The following ZMIZ1 variants were observed in gnomAD, a reference collection of about 807,000 sequenced individuals.
ZMIZ1 encodes the protein zinc finger MIZ domain-containing protein 1.
In ZMIZ1, 17 loss-of-function variants were observed where a neutral mutation model predicts 113.9. That is an observed-to-expected ratio of 0.15 (90% confidence interval 0.10 to 0.22). The LOEUF (loss-of-function observed/expected upper bound fraction) is 0.22, where lower values mean the gene tolerates loss of function less well. ZMIZ1 is among the 10% of genes least tolerant of loss of function. The pLI is 1.00. For synonymous variants in ZMIZ1, 607 were observed against 603.1 expected (o/e 1.01, Z -0.09); for missense variants, 1,059 against 1,477.8 (o/e 0.72, Z 4.65).
chr10:79,108,010 A>G (rs1843618014), intron 1 of ZMIZ1, among the ~76,000 whole-genome samples: 1 of 152,048 alleles, frequency 6.6e-6, no homozygotes, highest in South Asian at 2.1e-4. Flanking sequence ...GCATCTGTCT[A>G]TGCAATATAA....
chr10:79,288,829 A>G (rs944109917), intron 8 of ZMIZ1, among the ~76,000 whole-genome samples: 2 of 152,214 alleles, frequency 1.3e-5, no homozygotes, highest in Non-Finnish European at 2.9e-5. Flanking sequence ...ACCTAAGCAC[A>G]AGAGGTGGGG....
At chr10:79,180,096 A>T (rs1317128521) in intron 4 of ZMIZ1, among the ~76,000 whole-genome samples, 1 of 152,228 alleles carries the variant, frequency 6.6e-6, no homozygotes, top group Non-Finnish European at 1.5e-5. Context: ...TGAAGGAGAC[A>T]GGTGGAGAGA....
intron 6 of ZMIZ1, among the ~76,000 whole-genome samples, chr10:79,213,918 A>G (rs968857504): frequency 1.3e-5 from 2 of 152,156 alleles, no homozygotes; most frequent in South Asian, 2.1e-4. Flanking sequence ...CAAAGCACCT[A>G]TGTACGTGGG....
chr10:79,127,716 C>G (rs912936307), intron 2 of ZMIZ1, among the ~76,000 whole-genome samples: 3 of 152,130 alleles, frequency 2.0e-5, no homozygotes, highest in Admixed American at 1.3e-4. Context: ...GTTTCCTGTT[C>G]AGGGCCATGC....
At chr10:79,265,505 T>C (rs905151754) in intron 7 of ZMIZ1, among the ~76,000 whole-genome samples, 3 of 141,792 alleles carry the variant, frequency 2.1e-5, no homozygotes, top group African/African-American at 5.4e-5. Flanking sequence ...TACCCACAAG[T>C]GATGGTGATA....
At chr10:79,235,222 C>T (rs1426155811) in intron 7 of ZMIZ1, among the ~76,000 whole-genome samples, 3 of 152,226 alleles carry the variant, frequency 2.0e-5, no homozygotes, top group African/African-American at 7.2e-5. Context: ...CTCCCCTCAT[C>T]TGCCATGGAC....
chr10:79,291,044 C>G lies in ZMIZ1; in HGVS notation c.626C>G (p.Pro209Arg), dbSNP rs900793186. 7 of 1,614,248 alleles carry G rather than the reference C, an allele frequency of 4.3e-6. No individual in the cohort carries two copies. The highest frequency in any genetic ancestry group is 4.2e-6 in the Non-Finnish European group (5 of 1,180,048). The change falls in exon 10 of 25, where the codon CCA (proline) becomes CGA (arginine). Residue 209 changes from proline to arginine, a missense_variant. Pro to Arg is a moderately radical substitution (Grantham distance 103). Transcript: ENST00000334512. ...GCGTCGGGCATGACCACCAGCAACCCAGGCCTCAACTCCCCACAGTTTGCG... is the reference window on the plus strand; with the variant it reads ...GCGTCGGGCATGACCACCAGCAACCGAGGCCTCAACTCCCCACAGTTTGCG... Reference protein sequence around the residue: ...PMASGMTTSNPGLNSPQFAGQ... With the variant: ...PMASGMTTSNRGLNSPQFAGQ...
intron 4 of ZMIZ1, among the ~76,000 whole-genome samples, chr10:79,182,685 T>C (rs1358410382): frequency 1.3e-5 from 2 of 152,156 alleles, no homozygotes; most frequent in African/African-American, 4.8e-5. Context: ...AGGCCCAGGG[T>C]TGAAGAAAAC....
chr10:79,217,372 C>T (rs1848778873), intron 7 of ZMIZ1, among the ~76,000 whole-genome samples: 1 of 152,150 alleles, frequency 6.6e-6, no homozygotes, highest in Non-Finnish European at 1.5e-5. Context: ...TTGCAGTGAA[C>T]CGAGATCGCG....
At chr10:79,154,606 G>A (rs959157781) in intron 3 of ZMIZ1, among the ~76,000 whole-genome samples, 2 of 152,252 alleles carry the variant, frequency 1.3e-5, no homozygotes, top group Admixed American at 1.3e-4. Context: ...GAAAAGGGAT[G>A]GCTGTGCCCA....
chr10:79,180,765 T>C (rs928581090), intron 4 of ZMIZ1, among the ~76,000 whole-genome samples: 5 of 152,172 alleles, frequency 3.3e-5, no homozygotes, highest in African/African-American at 1.2e-4. Context: ...CACAAGAGAC[T>C]TTCCTTTCAG....
intron 1 of ZMIZ1, among the ~76,000 whole-genome samples, chr10:79,075,249 A>T (rs1270282819): frequency 6.6e-6 from 1 of 152,160 alleles, no homozygotes; most frequent in African/African-American, 2.4e-5. Context: ...GCCCTTTGAG[A>T]TCACCCAGCT....
intron 8 of ZMIZ1, among the ~76,000 whole-genome samples, chr10:79,280,623 G>A (rs1782647): frequency 0.79 from 118,203 of 150,238 alleles, 46,759 homozygotes; most frequent in East Asian, 0.91. Flanking sequence ...GGCATTTGGC[G>A]TCTTGGTCCC....
chr10:79,175,842 C>T (rs1225920992), intron 4 of ZMIZ1, among the ~76,000 whole-genome samples: 1 of 152,004 alleles, frequency 6.6e-6, no homozygotes, highest in Non-Finnish European at 1.5e-5. Flanking sequence ...CCGGGCTTAG[C>T]CCACAGGACT....
rs11002849 is a variant in ZMIZ1 at position 79,139,772 on chromosome 10, C to T, written c.-136C>T. The T allele has an allele frequency of 1.1e-4, 45 of 398,736 alleles. No individual in the cohort carries two copies. The highest frequency in any genetic ancestry group is 6.2e-4 in the African/African-American group (30 of 48,736). 24.7% of individuals were successfully genotyped at this position (398,736 alleles called of 1,614,324 possible). On this transcript the variant is annotated 5_prime_UTR_variant, in exon 3 of 25. Transcript: ENST00000334512. ...TGTTTTTCACTGAGCTGCCATACCC[C>T]GAAAGGTAACACCAGCCCCCGATGC...
chr10:79,127,436 C>T (rs1844567945), intron 2 of ZMIZ1, among the ~76,000 whole-genome samples: 1 of 152,200 alleles, frequency 6.6e-6, no homozygotes, highest in African/African-American at 2.4e-5. Context: ...TCAGATGGCC[C>T]AGGTTCCTGC....
At chr10:79,112,540 A>T (rs977908313) in intron 1 of ZMIZ1, among the ~76,000 whole-genome samples, 1 of 152,124 alleles carries the variant, frequency 6.6e-6, no homozygotes, top group African/African-American at 2.4e-5. Context: ...GCCCTGTAAT[A>T]TCAGCATGGC....
intron 7 of ZMIZ1, among the ~76,000 whole-genome samples, chr10:79,224,542 G>A (rs1201519476): frequency 2.0e-5 from 3 of 152,148 alleles, no homozygotes; most frequent in African/African-American, 7.2e-5. Context: ...CGAGCCAGTG[G>A]GTACCTGCTT....
chr10:79,161,528 G>C (rs1412103730), intron 3 of ZMIZ1, among the ~76,000 whole-genome samples: 7 of 152,196 alleles, frequency 4.6e-5, no homozygotes, highest in Admixed American at 2.0e-4. Flanking sequence ...ATCTTGGTCT[G>C]CCTCTCCCTG....
Sources: allele counts gnomAD v4.1 joint callset (sites outside exome capture counted in the v4.1 genomes callset), GRCh38; gene constraint gnomAD v4.1.1; transcripts MANE v1.5; gene names NCBI Gene and HGNC (gene_info 2026-07-23, HGNC 2026-07-21).